TSHZ2: variants seen among roughly 807,000 people sequenced by gnomAD.
TSHZ2 encodes the protein teashirt homolog 2.
A neutral mutation model predicts 74.4 loss-of-function variants in TSHZ2; 21 were observed. The ratio of observed to expected loss-of-function variants is 0.28; its 90% confidence interval spans 0.20 to 0.41. The LOEUF is 0.41. Ranked by LOEUF, TSHZ2 falls within the 10% of genes least tolerant of loss-of-function variation. TSHZ2 has a pLI of 1.00. For synonymous variants in TSHZ2, 540 were observed against 515.3 expected (o/e 1.05, Z -0.65); for missense variants, 1,244 against 1,293.5 (o/e 0.96, Z 0.59).
intron 1 of TSHZ2, among the ~76,000 whole-genome samples, chr20:53,182,003 T>G (rs551501071): frequency 6.6e-6 from 1 of 152,330 alleles, no homozygotes; most frequent in South Asian, 2.1e-4. Flanking sequence ...GACTTTTTAT[T>G]TGATGATCTT....
chr20:53,403,199 C>A (rs1486327362), intron 2 of TSHZ2, among the ~76,000 whole-genome samples: 2 of 152,184 alleles, frequency 1.3e-5, no homozygotes, highest in African/African-American at 2.4e-5. Context: ...TGATGGCCTC[C>A]AGTTCCATCC....
intron 1 of TSHZ2, among the ~76,000 whole-genome samples, chr20:52,998,679 T>C (rs1392758153): frequency 2.0e-5 from 3 of 152,204 alleles, no homozygotes; most frequent in African/African-American, 7.2e-5. Flanking sequence ...TTTCTGTCTA[T>C]CGCCTCTGCA....
intron 1 of TSHZ2, among the ~76,000 whole-genome samples, chr20:53,000,049 C>T (rs1355231322): frequency 1.3e-5 from 2 of 152,188 alleles, no homozygotes; most frequent in African/African-American, 2.4e-5. Flanking sequence ...AGTTCATCTT[C>T]GCAGACGTCC....
chr20:53,400,364 G>A (rs112360801), intron 2 of TSHZ2: 141 of 152,348 alleles, frequency 9.3e-4, no homozygotes, highest in African/African-American at 3.1e-3. Context: ...GTCTTCCACT[G>A]TTCCGACACA....
At chr20:53,289,309 C>A (rs756035779) in intron 2 of TSHZ2, among the ~76,000 whole-genome samples, 10 of 152,206 alleles carry the variant, frequency 6.6e-5, no homozygotes, top group Non-Finnish European at 1.2e-4. Context: ...ATAATCACTT[C>A]TTTTCCCCTG....
intron 2 of TSHZ2, among the ~76,000 whole-genome samples, chr20:53,362,210 A>T (rs1981089106): frequency 7.3e-6 from 1 of 136,268 alleles, no homozygotes; most frequent in South Asian, 2.3e-4. Flanking sequence ...TTTGAGATGG[A>T]GTCTCGCTCT....
chr20:53,326,067 C>T (rs1395011199), intron 2 of TSHZ2, among the ~76,000 whole-genome samples: 2 of 152,226 alleles, frequency 1.3e-5, no homozygotes, highest in Non-Finnish European at 2.9e-5. Flanking sequence ...CAGGCCTGAG[C>T]CACCGCGCCC....
In TSHZ2 at chr20:53,254,450, G is replaced by A. The variant is rs1990415740; in HGVS notation, c.992G>A (p.Cys331Tyr). 6.2e-7 allele frequency: 1 copy of A among 1,613,736 alleles called. No individual in the cohort carries two copies. Among genetic ancestry groups the A allele is most frequent in the Admixed American group, 1.7e-5 (1 of 59,996 alleles). ...CGCGTTTTTGATGTCAATCGGCCGT[G>A]TTCCCCCGATTCAACCACAGGATCT... is the stretch of plus-strand genomic sequence containing the variant. ...KKRVFDVNRP[C>Y]SPDSTTGSFA... The change falls in exon 2 of 3, where the codon TGT becomes TAT. Residue 331 changes from cysteine (C) to tyrosine (Y), a missense_variant. Coordinates refer to ENST00000371497, the MANE Select transcript of TSHZ2 (RefSeq NM_173485.6).
chr20:53,022,929 C>T (rs545726747), intron 1 of TSHZ2, among the ~76,000 whole-genome samples: 12 of 152,230 alleles, frequency 7.9e-5, no homozygotes, highest in South Asian at 6.2e-4. Context: ...ATTACCATGG[C>T]GATGCATTGT....
rs73913011 is a variant in TSHZ2 at position 52,975,558 on chromosome 20, A to T, written c.40+2225A>T. On this transcript the variant is annotated intron_variant, in intron 1 of 2. Transcript: ENST00000371497. ...GTGTGTGTTAGAAACTTGTAACTAT[A>T]GTTTCAGTTTTCTGGCCTATTATAT... Among the ~76,000 whole-genome samples, 876 of 151,780 alleles carry T rather than the reference A, an allele frequency of 5.8e-3. 11 individuals carry two copies. Among genetic ancestry groups the T allele is most frequent in the African/African-American group, 0.02 (840 of 41,362 alleles).
chr20:53,121,809 C>T (rs1255526865), intron 1 of TSHZ2, among the ~76,000 whole-genome samples: 1 of 151,966 alleles, frequency 6.6e-6, no homozygotes, highest in Non-Finnish European at 1.5e-5. Context: ...TCGGGGAAGT[C>T]GAGGTCATTA....
rs116200546 is a variant in TSHZ2 at position 53,216,660 on chromosome 20, G to T, written c.41-36839G>T. 9.6e-3 allele frequency among the ~76,000 whole-genome samples: 1,455 copies of T among 152,278 alleles called. 29 individuals are homozygous for T. The highest frequency in any genetic ancestry group is 0.033 in the African/African-American group (1,377 of 41,552). ...TCCCCTGATGTTTACACCTCTCAAAGGTGCATGGAGCCCCACAATGTGTCA... is the reference window on the plus strand; with the variant it reads ...TCCCCTGATGTTTACACCTCTCAAATGTGCATGGAGCCCCACAATGTGTCA... On this transcript the variant is annotated intron_variant, in intron 1 of 2. Coordinates refer to ENST00000371497, the MANE Select transcript of TSHZ2 (RefSeq NM_173485.6).
At chr20:53,451,449 A>G (rs1319968763) in intron 2 of TSHZ2, among the ~76,000 whole-genome samples, 1 of 152,228 alleles carries the variant, frequency 6.6e-6, no homozygotes, top group African/African-American at 2.4e-5. Flanking sequence ...TTTTGCCTCT[A>G]TGCCTCAACC....
chr20:53,151,178 A>G (rs762425454), intron 1 of TSHZ2, among the ~76,000 whole-genome samples: 23 of 152,220 alleles, frequency 1.5e-4, no homozygotes, highest in African/African-American at 5.3e-4. Context: ...GGTTAGAGTC[A>G]TAAGAGATAG....
chr20:53,051,457 G>GCACACACACACACACACA (rs11474223), intron 1 of TSHZ2, among the ~76,000 whole-genome samples: 21 of 145,208 alleles, frequency 1.4e-4, no homozygotes, highest in South Asian at 4.4e-4. Context: ...TGTGGCGCAC[G>GCACACACACACACACACA]CACACACACA....
intron 1 of TSHZ2, among the ~76,000 whole-genome samples, chr20:53,212,819 G>A (rs930172768): frequency 6.6e-6 from 1 of 152,164 alleles, no homozygotes; most frequent in African/African-American, 2.4e-5. Flanking sequence ...AGGAAATTCT[G>A]CAAGTCTTAT....
At chr20:53,072,935 A>ATTCATCCATCCCTCCGTTCC (rs1985221949) in intron 1 of TSHZ2, among the ~76,000 whole-genome samples, 1 of 145,310 alleles carries the variant, frequency 6.9e-6, no homozygotes, top group Non-Finnish European at 1.5e-5. Flanking sequence ...CCCTTAATCC[A>ATTCATCCATCCCTCCGTTCC]TTCATCCATC....
At chr20:53,033,641 T>C in intron 1 of TSHZ2, among the ~76,000 whole-genome samples, 1 of 142,732 alleles carries the variant, frequency 7.0e-6, no homozygotes, top group Admixed American at 7.1e-5. Flanking sequence ...CTGCATTGAT[T>C]GATAAAAAGC....
intron 2 of TSHZ2, among the ~76,000 whole-genome samples, chr20:53,278,739 A>G (rs1025432643): frequency 4.6e-5 from 7 of 152,200 alleles, no homozygotes; most frequent in Admixed American, 1.3e-4. Flanking sequence ...ATGAAAGCCT[A>G]TCTAAATGAG....
Sources: gnomAD v4.1 joint callset for allele counts (sites outside exome capture counted in the v4.1 genomes callset) on GRCh38, gnomAD v4.1.1 for gene constraint, MANE v1.5 for transcripts, NCBI Gene and HGNC (gene_info 2026-07-23, HGNC 2026-07-21) for gene names.